Variants in KIF26B observed in about 807,000 individuals in gnomAD.
KIF26B encodes kinesin-like protein KIF26B.
Under a neutral mutation model 151.2 loss-of-function variants are expected in KIF26B, and 63 were observed. That is an observed-to-expected ratio of 0.42 (90% CI 0.34 to 0.51). The LOEUF (loss-of-function observed/expected upper bound fraction) is 0.51, where lower values mean the gene tolerates loss of function less well. KIF26B is among the 20% of genes least tolerant of loss of function. KIF26B has a pLI of 0.07. For missense variants in KIF26B, 2,813 were observed against 2,913.6 expected, an observed-to-expected ratio of 0.97 and a Z score of 0.79; for synonymous variants, 1,357 against 1,262.1, an observed-to-expected ratio of 1.08 and a Z score of -1.59.
chr1:245,693,449 C>T lies in KIF26B; in HGVS notation c.5824+4642C>T, dbSNP rs190534166. Among the ~76,000 whole-genome samples, 30 of 152,282 alleles carry T rather than the reference C, an allele frequency of 2.0e-4. No individual in the cohort carries two copies. The East Asian group carries it at 3.9e-3, about 20-fold the overall frequency. Reference sequence around the variant, plus strand: ...ATTGATGGGCTGGTTGCTTGGTTGGCGGCACAGTCCTGAAAGTTTACTCAT... The same window carrying T: ...ATTGATGGGCTGGTTGCTTGGTTGGTGGCACAGTCCTGAAAGTTTACTCAT... On this transcript the variant is annotated intron_variant, in intron 12 of 14. Coordinates refer to ENST00000407071, the MANE Select transcript of KIF26B (RefSeq NM_018012.4).
intron 4 of KIF26B, among the ~76,000 whole-genome samples, chr1:245,455,120 A>G (rs1045709850): frequency 1.3e-5 from 2 of 152,118 alleles, no homozygotes; most frequent in Non-Finnish European, 2.9e-5. Flanking sequence ...TCATGTTTGC[A>G]TTGGTATCCG....
intron 2 of KIF26B, among the ~76,000 whole-genome samples, chr1:245,274,426 C>T (rs1244448439): frequency 2.0e-5 from 3 of 152,056 alleles, no homozygotes; most frequent in Non-Finnish European, 1.5e-5. Context: ...TCCCTGTGTC[C>T]ATATATCCTC....
At position 245,445,475 on chromosome 1, in the gene KIF26B, T is replaced by C. The variant is rs1056614083; in HGVS notation, c.1166+25730T>C. On this transcript the variant is annotated intron_variant, in intron 4 of 14. Coordinates refer to ENST00000407071, the MANE Select transcript of KIF26B (RefSeq NM_018012.4). ...AATACTACAGAGAGAAGTGCGTGCG[T>C]GCGCGTGTGTATGTGTGTGTATGCA... Among the ~76,000 whole-genome samples, 3 of 152,188 alleles carry C rather than the reference T, an allele frequency of 2.0e-5. No homozygotes were observed. The East Asian group carries it at 5.8e-4, about 29-fold the overall frequency.
chr1:245,556,530 G>T (rs987580764), intron 5 of KIF26B, among the ~76,000 whole-genome samples: 1 of 152,128 alleles, frequency 6.6e-6, no homozygotes, highest in African/African-American at 2.4e-5. Context: ...CCCCCAAGTA[G>T]CTGGGACTAC....
rs760715594 is a variant in KIF26B, at chr1:245,684,301, C to T, written c.2327C>T (p.Ala776Val). The T allele has an allele frequency of 4.7e-5, 76 of 1,613,978 alleles. No individual in the cohort carries two copies. The highest frequency in any genetic ancestry group is 3.3e-4 in the South Asian group (30 of 91,082). Residue 776 changes from alanine to valine, a missense_variant, in exon 11 of 15, where the codon GCG becomes GTG. Around this residue, in one of 3 missense-constraint regions of KIF26B, gnomAD observed 2,060 missense variants for 2,088.6 expected, o/e 0.99. Coordinates refer to ENST00000407071, the MANE Select transcript of KIF26B (RefSeq NM_018012.4). Reference sequence around the variant, plus strand: ...ATGAACTGCCGTACCACCATGATCGCGCACATCTCGGCCGCGGTCGGGAGC... The same window carrying T: ...ATGAACTGCCGTACCACCATGATCGTGCACATCTCGGCCGCGGTCGGGAGC... ...GNMNCRTTMI[A>V]HISAAVGSYA...
At chr1:245,556,352 C>G (rs1662037021) in intron 5 of KIF26B, among the ~76,000 whole-genome samples, 2 of 140,584 alleles carry the variant, frequency 1.4e-5, no homozygotes, top group Non-Finnish European at 3.0e-5. Flanking sequence ...CCTCCCTCCT[C>G]CTCCTCCTCC....
intron 5 of KIF26B, among the ~76,000 whole-genome samples, chr1:245,598,356 T>C (rs1160202662): frequency 1.3e-5 from 2 of 152,216 alleles, no homozygotes; most frequent in Non-Finnish European, 2.9e-5. Context: ...GTCTTTTTCT[T>C]ACTGCTGAGG....
intron 2 of KIF26B, among the ~76,000 whole-genome samples, chr1:245,284,108 G>C (rs1255571015): frequency 1.3e-5 from 2 of 152,130 alleles, no homozygotes; most frequent in African/African-American, 4.8e-5. Flanking sequence ...TCAACCCCTT[G>C]ATATTAATGT....
intron 3 of KIF26B, among the ~76,000 whole-genome samples, chr1:245,401,123 A>T (rs1673990390): frequency 6.6e-6 from 1 of 152,204 alleles, no homozygotes; most frequent in Non-Finnish European, 1.5e-5. Flanking sequence ...TCCTGAACTC[A>T]CTTCAAAAGC....
chr1:245,423,038 C>T (rs956398857), intron 4 of KIF26B, among the ~76,000 whole-genome samples: 42 of 141,736 alleles, frequency 3.0e-4, no homozygotes, highest in African/African-American at 9.8e-4. Flanking sequence ...GGTGGGGTTT[C>T]GGTGAGCCGA....
chr1:245,274,003 T>C (rs2102964789), intron 2 of KIF26B, among the ~76,000 whole-genome samples: 1 of 152,310 alleles, frequency 6.6e-6, no homozygotes, highest in Middle Eastern at 3.4e-3. Flanking sequence ...TGATTACTTT[T>C]TCATTTTCTG....
intron 4 of KIF26B, among the ~76,000 whole-genome samples, chr1:245,507,363 A>T (rs1402493397): frequency 6.6e-6 from 1 of 152,210 alleles, no homozygotes; most frequent in African/African-American, 2.4e-5. Context: ...AAAAAGTCAA[A>T]CTGCCACACA....
intron 5 of KIF26B, among the ~76,000 whole-genome samples, chr1:245,551,795 C>G (rs770566887): frequency 1.5e-4 from 23 of 152,250 alleles, no homozygotes; most frequent in Admixed American, 8.5e-4. Context: ...CTGTGGATAT[C>G]AGTGAAATGC....
At chr1:245,390,298 A>C (rs819880) in intron 3 of KIF26B, among the ~76,000 whole-genome samples, 68,129 of 151,338 alleles carry the variant, frequency 0.45, 16,720 homozygotes, top group South Asian at 0.64. Flanking sequence ...GCTCACTGCA[A>C]CCTCCGCCTC....
At chr1:245,300,362 T>C (rs1326144196) in intron 2 of KIF26B, among the ~76,000 whole-genome samples, 2 of 152,204 alleles carry the variant, frequency 1.3e-5, no homozygotes, top group Non-Finnish European at 2.9e-5. Context: ...CTCTGGGGAT[T>C]GGACCCAGTA....
intron 2 of KIF26B, among the ~76,000 whole-genome samples, chr1:245,306,840 A>C (rs1034863199): frequency 1.3e-5 from 2 of 152,182 alleles, no homozygotes; most frequent in Non-Finnish European, 2.9e-5. Flanking sequence ...GAGCTCTTTA[A>C]GGCCGGGATG....
intron 2 of KIF26B, among the ~76,000 whole-genome samples, chr1:245,271,592 T>G (rs1670857410): frequency 1.3e-5 from 2 of 152,008 alleles, no homozygotes; most frequent in South Asian, 4.1e-4. Flanking sequence ...CTTTTTTTTT[T>G]TTTTTACATA....
chr1:245,308,188 T>C (rs567519643), intron 2 of KIF26B, among the ~76,000 whole-genome samples: 1 of 152,288 alleles, frequency 6.6e-6, no homozygotes, highest in African/African-American at 2.4e-5. Context: ...CAAAGACCCT[T>C]ACAGAGAAAT....
At chr1:245,524,385 A>C (rs547358850) in intron 4 of KIF26B, among the ~76,000 whole-genome samples, 1 of 152,236 alleles carries the variant, frequency 6.6e-6, no homozygotes, top group East Asian at 1.9e-4. Context: ...GCCTGTATGT[A>C]TTTTTTTACT....
Sources: gnomAD v4.1 joint callset for allele counts (sites outside exome capture counted in the v4.1 genomes callset) on GRCh38, gnomAD v4.1.1 for gene constraint, gnomAD v4.1.1 regional missense constraint, MANE v1.5 for transcripts, NCBI Gene and HGNC (gene_info 2026-07-23, HGNC 2026-07-21) for gene names.